The following ITPR1 variants were observed in gnomAD, a reference collection of about 807,000 sequenced individuals.
ITPR1 encodes the protein inositol 1,4,5-trisphosphate-gated calcium channel ITPR1.
In ITPR1, 96 loss-of-function variants were observed where a neutral mutation model predicts 318.4. The ratio of observed to expected loss-of-function variants is 0.30; its 90% CI spans 0.26 to 0.36. The LOEUF is 0.36. ITPR1 is among the 10% of genes least tolerant of loss of function. The pLI, the probability that ITPR1 is intolerant of heterozygous loss-of-function variation, is 1.00. For synonymous variants in ITPR1, 1,312 were observed against 1,289.9 expected (o/e 1.02, Z -0.37); for missense variants, 2,440 against 3,460.2 (o/e 0.71, Z 7.40).
intron 52 of ITPR1, 133 bp downstream of exon 52, chr3:4,788,272 AC>A: frequency 1.4e-6 from 1 of 728,212 alleles, no homozygotes; most frequent in Non-Finnish European, 2.2e-6. Flanking sequence ...ACCTCTGACC[AC>A]CAGGAAGTCA....
Position 4,810,744 on chromosome 3 carries a change from G to A in ITPR1, c.7273-521G>A, listed in dbSNP as rs576240175. Among the ~76,000 whole-genome samples, 4 of 152,332 alleles carry A rather than the reference G, an allele frequency of 2.6e-5. No homozygotes were observed. The East Asian group carries it at 7.7e-4, about 29-fold the overall frequency. On this transcript the variant is annotated intron_variant, in intron 55 of 61. Coordinates refer to ENST00000649015, the MANE Select transcript of ITPR1 (RefSeq NM_001378452.1). ...GAGACTCAGAGGGGATGAGGAAAGT[G>A]CCTAGCCCGAGATCATACGGTGGAC...
chr3:4,547,086 T>C (rs2085094362), intron 4 of ITPR1, among the ~76,000 whole-genome samples: 1 of 152,206 alleles, frequency 6.6e-6, no homozygotes, highest in Non-Finnish European at 1.5e-5. Flanking sequence ...GCAAAACTTT[T>C]ATTGAGTGTC....
intron 52 of ITPR1, among the ~76,000 whole-genome samples, chr3:4,792,077 C>T (rs1040122180): frequency 4.9e-4 from 74 of 152,244 alleles, no homozygotes; most frequent in Admixed American, 7.8e-4. Flanking sequence ...GGCCCCCGGC[C>T]CCTCCCTCCA....
chr3:4,715,088 AG>A (rs2041668915), intron 39 of ITPR1, among the ~76,000 whole-genome samples: 1 of 152,230 alleles, frequency 6.6e-6, no homozygotes, highest in East Asian at 1.9e-4. Context: ...TTTATACGCA[AG>A]GAAGAGAAAA....
chr3:4,696,591 A>G (rs529556292), intron 33 of ITPR1, among the ~76,000 whole-genome samples: 13 of 151,426 alleles, frequency 8.6e-5, no homozygotes, highest in Non-Finnish European at 1.6e-4. Flanking sequence ...AGGATTTTGT[A>G]TAGACACATG....
intron 10 of ITPR1, among the ~76,000 whole-genome samples, chr3:4,646,346 C>A (rs2093456865): frequency 6.6e-6 from 1 of 152,154 alleles, no homozygotes; most frequent in East Asian, 1.9e-4. Flanking sequence ...AGCATCTGAT[C>A]TGGTACCTGC....
At chr3:4,789,884 C>T (rs552591475) in intron 52 of ITPR1, among the ~76,000 whole-genome samples, 6 of 152,338 alleles carry the variant, frequency 3.9e-5, no homozygotes, top group African/African-American at 1.4e-4. Context: ...TCCCAAAGTG[C>T]TGGGATTACA....
intron 5 of ITPR1, among the ~76,000 whole-genome samples, chr3:4,631,748 A>C (rs1201801544): frequency 1.3e-5 from 2 of 152,164 alleles, no homozygotes; most frequent in Non-Finnish European, 2.9e-5. Flanking sequence ...TAATAGTATT[A>C]ATAAAACCAT....
intron 4 of ITPR1, among the ~76,000 whole-genome samples, chr3:4,524,239 G>A (rs1313127006): frequency 2.6e-5 from 4 of 151,596 alleles, no homozygotes; most frequent in African/African-American, 9.7e-5. Flanking sequence ...GTGGAACTTG[G>A]GCAGTGAGTT....
At chr3:4,804,169 G>A (rs1017603379) in intron 54 of ITPR1, among the ~76,000 whole-genome samples, 15 of 152,296 alleles carry the variant, frequency 9.8e-5, no homozygotes, top group African/African-American at 2.9e-4. Context: ...ACCATGCCCC[G>A]CCTAGAGTGA....
intron 53 of ITPR1, among the ~76,000 whole-genome samples, chr3:4,799,139 C>T (rs548552433): frequency 3.0e-4 from 45 of 152,214 alleles, no homozygotes; most frequent in Non-Finnish European, 6.2e-4. Context: ...GGTCTGCAGC[C>T]ATTTGCTGCA....
In ITPR1 at chr3:4,676,788, T is replaced by A. The variant is rs1012491864; in HGVS notation, c.2954T>A (p.Ile985Asn). 1.9e-6 allele frequency: 3 copies of A among 1,612,946 alleles called. No homozygotes were observed. The highest frequency in any genetic ancestry group is 2.5e-6 in the Non-Finnish European group (3 of 1,179,488). ...GTCATGGACACCAAGCTGAAGATCA[T>A]TGAGATACTCCAGGTATCCACTAGC... Reference protein sequence around the residue: ...IMVMDTKLKIIEILQFILNVR... With the variant: ...IMVMDTKLKINEILQFILNVR... The change falls in exon 24 of 62, where the codon ATT becomes AAT. Residue 985 changes from isoleucine to asparagine, a missense_variant. Coordinates refer to ENST00000649015, the MANE Select transcript of ITPR1 (RefSeq NM_001378452.1).
rs1049361627 is a variant in ITPR1 at position 4,826,372 on chromosome 3, G to A, written c.8028+8130G>A. 6.6e-6 allele frequency among the ~76,000 whole-genome samples: 1 copy of A among 152,210 alleles called. No homozygotes were observed. The highest frequency in any genetic ancestry group is 6.5e-5 in the Admixed American group (1 of 15,284). ...GGCTCTGACAAGCCCTTAACCATGGGTGAGGATACAGCCTGTGCTGCCTGC... is the reference window on the plus strand; with the variant it reads ...GGCTCTGACAAGCCCTTAACCATGGATGAGGATACAGCCTGTGCTGCCTGC... On this transcript the variant is annotated intron_variant, in intron 60 of 61. Transcript: ENST00000649015. This position sits in a 1 kb window ranked among gnomAD's most constrained non-coding sequence, Gnocchi z 4.2.
intron 6 of ITPR1, among the ~76,000 whole-genome samples, chr3:4,640,301 A>C (rs549645488): frequency 6.6e-6 from 1 of 152,240 alleles, no homozygotes; most frequent in Non-Finnish European, 1.5e-5. Flanking sequence ...AGATGGGAAC[A>C]CTAGTAAAAG....
At chr3:4,678,837 G>A (rs2094239501) in intron 24 of ITPR1, among the ~76,000 whole-genome samples, 1 of 152,186 alleles carries the variant, frequency 6.6e-6, no homozygotes, top group South Asian at 2.1e-4. Flanking sequence ...AGTTCTTGCT[G>A]AGCAGAGACA....
intron 10 of ITPR1, among the ~76,000 whole-genome samples, chr3:4,649,691 A>G (rs2093551557): frequency 1.3e-5 from 2 of 152,104 alleles, no homozygotes; most frequent in Non-Finnish European, 2.9e-5. Flanking sequence ...AATATCATAA[A>G]CTGGGTTGCT....
At chr3:4,798,908 G>C (rs2048053059) in intron 53 of ITPR1, among the ~76,000 whole-genome samples, 1 of 152,194 alleles carries the variant, frequency 6.6e-6, no homozygotes, top group African/African-American at 2.4e-5. Flanking sequence ...GACACTATTA[G>C]ATCAGTGGTA....
At chr3:4,606,957 TG>T (rs2091748672) in intron 4 of ITPR1, among the ~76,000 whole-genome samples, 1 of 152,126 alleles carries the variant, frequency 6.6e-6, no homozygotes, top group Non-Finnish European at 1.5e-5. Context: ...GAAGTATTCA[TG>T]GGGGAGATGT....
chr3:4,743,465 C>CT, intron 44 of ITPR1, among the ~76,000 whole-genome samples: 1 of 152,354 alleles, frequency 6.6e-6, no homozygotes, highest in South Asian at 2.1e-4. Flanking sequence ...CATGCACCTA[C>CT]TGGCATTCAG....
Sources: gnomAD v4.1 joint callset for allele counts (sites outside exome capture counted in the v4.1 genomes callset) on GRCh38, gnomAD v4.1.1 for gene constraint, Gnocchi (gnomAD v3.1) non-coding constraint, MANE v1.5 for transcripts, NCBI Gene and HGNC (gene_info 2026-07-23, HGNC 2026-07-21) for gene names.